The following CHD6 variants were observed in gnomAD, a reference collection of about 807,000 sequenced individuals.
CHD6 encodes the protein chromodomain helicase DNA binding protein 6.
A neutral mutation model predicts 276.9 loss-of-function variants in CHD6; 50 were observed. The ratio of observed to expected loss-of-function variants is 0.18; its 90% CI spans 0.14 to 0.23. CHD6 has a LOEUF of 0.23. CHD6 is among the 10% of genes least tolerant of loss of function. CHD6 has a pLI of 1.00. For missense variants in CHD6, 2,564 were observed against 3,365.8 expected (o/e 0.76, Z 5.89); for synonymous variants, 1,173 against 1,229.3 (o/e 0.95, Z 0.96).
chr20:41,416,538 A>G (rs1309856666), intron 33 of CHD6, 50 bp downstream of exon 33: 1 of 1,521,154 alleles, frequency 6.6e-7, no homozygotes, highest in Admixed American at 1.8e-5. Flanking sequence ...GAGACGTGGA[A>G]CACGCCCACC....
In CHD6 at chr20:41,412,245, T is replaced by G. The variant is rs2046862496; in HGVS notation, c.7150A>C (p.Lys2384Gln). 14 of 1,614,026 alleles carry G rather than the reference T, an allele frequency of 8.7e-6. No homozygotes were observed. Among genetic ancestry groups the G allele is most frequent in the Non-Finnish European group, 1.1e-5 (13 of 1,180,008 alleles). ...GFGANFSDKP[K>Q]QRRPRCKEPG... ...TCTTTACAGCGTGGCCTCCTCTGCT[T>G]TGGTTTGTCTGAAAAATTCTAGGAT... Residue 2384 changes from lysine (K) to glutamine (Q), a missense_variant, in exon 36 of 37, where the codon AAG becomes CAG. Around this residue, in one of 7 missense-constraint regions of CHD6, gnomAD observed 1,024 missense variants for 1,047.9 expected, o/e 0.98. Coordinates refer to ENST00000373233, the MANE Select transcript of CHD6 (RefSeq NM_032221.5).
At chr20:41,520,956 A>G (rs1329135583) in intron 3 of CHD6, among the ~76,000 whole-genome samples, 1 of 151,602 alleles carries the variant, frequency 6.6e-6, no homozygotes, top group Non-Finnish European at 1.5e-5. Flanking sequence ...GCATGTACAC[A>G]TCTATTAATA....
At position 41,404,626 on chromosome 20, in the gene CHD6, C is replaced by A; in HGVS notation, c.8115G>T (p.Gly2705=). ...EREHGAQAGE[G]ALKDSNNDTN Reference sequence around the variant, plus strand: ...TGTCGTTGTTGGAGTCTTTGAGTGCCCCCTCCCCAGCCTGTGCCCCATGTT... The same window carrying A: ...TGTCGTTGTTGGAGTCTTTGAGTGCACCCTCCCCAGCCTGTGCCCCATGTT... Residue 2705 remains glycine, a synonymous_variant, in exon 37 of 37, where the codon GGG becomes GGT. Transcript: ENST00000373233. The A allele has an allele frequency of 6.7e-7, 1 of 1,500,136 alleles. No individual in the cohort carries two copies. The highest frequency in any genetic ancestry group is 8.9e-7 in the Non-Finnish European group (1 of 1,123,908). The allele number at this position is 1,500,136 out of a possible 1,614,324, so 92.9% of individuals were successfully genotyped here.
intron 2 of CHD6, among the ~76,000 whole-genome samples, chr20:41,543,102 CAAA>C (rs568067367): frequency 8.7e-5 from 7 of 80,682 alleles, no homozygotes; most frequent in Non-Finnish European, 7.5e-5. Flanking sequence ...GACTCTGTCT[CAAA>C]AAAAAAAAAA....
At chr20:41,586,217 C>A (rs898387784) in intron 1 of CHD6, among the ~76,000 whole-genome samples, 1 of 152,166 alleles carries the variant, frequency 6.6e-6, no homozygotes, top group East Asian at 1.9e-4. Flanking sequence ...GTGTTTGTTC[C>A]GGCTCAAGCT....
intron 1 of CHD6, among the ~76,000 whole-genome samples, chr20:41,606,344 T>C (rs2045828145): frequency 1.3e-5 from 2 of 152,272 alleles, no homozygotes; most frequent in South Asian, 4.1e-4. Flanking sequence ...ACCCCGTCTC[T>C]ACTAAAAAAC....
At chr20:41,614,169 A>G (rs2045914629) in intron 1 of CHD6, among the ~76,000 whole-genome samples, 1 of 152,182 alleles carries the variant, frequency 6.6e-6, no homozygotes, top group South Asian at 2.1e-4. Flanking sequence ...TAAAGGGGTA[A>G]AAAAATGGAA....
chr20:41,552,504 T>C (rs1412908800), intron 1 of CHD6, among the ~76,000 whole-genome samples: 1 of 152,212 alleles, frequency 6.6e-6, no homozygotes, highest in Non-Finnish European at 1.5e-5. Flanking sequence ...GACATCACTG[T>C]GTACCCCATA....
chr20:41,519,197 T>C (rs1478076158), intron 3 of CHD6, among the ~76,000 whole-genome samples: 1 of 152,128 alleles, frequency 6.6e-6, no homozygotes, highest in African/African-American at 2.4e-5. Flanking sequence ...GTGGGAGAAT[T>C]GTTTGAGCCT....
At chr20:41,510,016 C>T (rs1252860316) in intron 5 of CHD6, among the ~76,000 whole-genome samples, 1 of 152,200 alleles carries the variant, frequency 6.6e-6, no homozygotes, top group African/African-American at 2.4e-5. Flanking sequence ...GCGTTGAGCA[C>T]ACTGAGAAGA....
intron 31 of CHD6, among the ~76,000 whole-genome samples, chr20:41,419,421 C>T (rs6129835): frequency 0.12 from 18,824 of 151,362 alleles, 2,483 homozygotes; most frequent in African/African-American, 0.31. Context: ...ACTAAAAATA[C>T]AAAAATCAGT....
intron 1 of CHD6, among the ~76,000 whole-genome samples, chr20:41,553,229 A>G (rs1156246119): frequency 6.6e-6 from 1 of 152,254 alleles, no homozygotes; most frequent in Non-Finnish European, 1.5e-5. Flanking sequence ...AAGGGTATTA[A>G]CAATAAGACA....
At chr20:41,618,204 G>A in intron 1 of CHD6, 136 bp downstream of exon 1, 1 of 152,034 alleles carries the variant, frequency 6.6e-6, no homozygotes, top group East Asian at 2.0e-4. Context: ...GGGCCTGGAC[G>A]CCGCCGCAGC....
intron 3 of CHD6, among the ~76,000 whole-genome samples, chr20:41,521,396 G>A (rs1014281812): frequency 1.3e-5 from 2 of 152,150 alleles, no homozygotes; most frequent in African/African-American, 2.4e-5. Context: ...ACGAGTGAAC[G>A]TATTGATGTT....
intron 17 of CHD6, among the ~76,000 whole-genome samples, chr20:41,464,955 T>TA (rs965142916): frequency 6.1e-4 from 93 of 151,958 alleles, no homozygotes; most frequent in African/African-American, 2.2e-3. Flanking sequence ...ACAAAATAAA[T>TA]AGAGTAATGG....
Position 41,499,297 on chromosome 20 carries a change from C to T in CHD6, c.913G>A (p.Glu305Lys), listed in dbSNP as rs745874049. 1.9e-6 allele frequency: 3 copies of T among 1,606,516 alleles called. No individual in the cohort carries two copies. Among genetic ancestry groups the T allele is most frequent in the Non-Finnish European group, 2.6e-6 (3 of 1,176,096 alleles). ...AGCTAGAAACATGAGCCACCAACCT[C>T]CTGGACAGTCTTAGATGCCAGGATC... ...EKILASKTVQEVHPGEPPFDL... is the reference protein window; with the variant it reads ...EKILASKTVQKVHPGEPPFDL... The change falls in exon 6 of 37, where the codon GAG becomes AAG. Residue 305 changes from glutamate to lysine, a missense_variant and splice_region_variant. Glu to Lys is a moderately conservative substitution (Grantham distance 56, BLOSUM62 1). Coordinates refer to ENST00000373233, the MANE Select transcript of CHD6 (RefSeq NM_032221.5).
At chr20:41,558,820 C>G (rs1201044147) in intron 1 of CHD6, among the ~76,000 whole-genome samples, 1 of 152,068 alleles carries the variant, frequency 6.6e-6, no homozygotes, top group Non-Finnish European at 1.5e-5. Flanking sequence ...CCTTCCCTAG[C>G]CAGCCTACAG....
intron 1 of CHD6, among the ~76,000 whole-genome samples, chr20:41,576,754 C>T (rs1052050920): frequency 3.9e-5 from 6 of 152,186 alleles, no homozygotes; most frequent in South Asian, 2.1e-4. Context: ...GACCTGAGGA[C>T]GCTCCCTCAT....
chr20:41,491,580 T>C (rs540744622), intron 11 of CHD6, 118 bp downstream of exon 11: 29 of 1,135,502 alleles, frequency 2.6e-5, no homozygotes, highest in Non-Finnish European at 3.0e-5. Context: ...ACTACCACCC[T>C]AAATTGATGG....
Sources: gnomAD v4.1 joint callset for allele counts (sites outside exome capture counted in the v4.1 genomes callset) on GRCh38, gnomAD v4.1.1 for gene constraint, gnomAD v4.1.1 regional missense constraint, MANE v1.5 for transcripts, NCBI Gene and HGNC (gene_info 2026-07-23, HGNC 2026-07-21) for gene names.